EPB41: variants seen among roughly 807,000 people sequenced by gnomAD.
The protein encoded by EPB41 is protein 4.1.
In EPB41, 65 loss-of-function variants were observed where a neutral mutation model predicts 108.0. That is an observed-to-expected ratio of 0.60 (90% CI 0.49 to 0.74). EPB41 has a LOEUF of 0.74. Ranked by LOEUF, EPB41 falls within the 30% of genes least tolerant of loss-of-function variation. The pLI is 0.00. For synonymous variants in EPB41, 336 were observed against 358.9 expected, an observed-to-expected ratio of 0.94 and a Z score of 0.72; for missense variants, 875 against 1,037.0, an observed-to-expected ratio of 0.84 and a Z score of 2.15.
rs1233211329 is a variant in EPB41, at chr1:29,106,564, A to AATTT, written c.2314-2772_2314-2771insATTT. ...CCTCTCAGCCTCCCGAGTAGCTGGGATTTTTTTTTTTTTTTTTTTTTTTTT... is the reference window on the plus strand; with the variant it reads ...CCTCTCAGCCTCCCGAGTAGCTGGGAATTTTTTTTTTTTTTTTTTTTTTTTTTTT... On this transcript the variant is annotated intron_variant, in intron 17 of 20. Transcript: ENST00000343067. Among the ~76,000 whole-genome samples, 27 of 50,898 alleles carry AATTT rather than the reference A, an allele frequency of 5.3e-4. 2 individuals are homozygous for AATTT. Among genetic ancestry groups the AATTT allele is most frequent in the African/African-American group, 1.6e-3 (19 of 11,770 alleles). The allele number at this position is 50,898 out of a possible 152,430, so 33.4% of individuals were successfully genotyped here.
At chr1:28,902,352 G>A (rs2091396858) in intron 1 of EPB41, 1 of 985,252 alleles carries the variant, frequency 1.0e-6, no homozygotes, top group African/African-American at 1.7e-5. Context: ...GGGGCTGTTT[G>A]GCTGTTGGGT....
chr1:29,026,832 A>G lies in EPB41; in HGVS notation c.1125-3568A>G, dbSNP rs56767062. Among the ~76,000 whole-genome samples, 343 of 151,568 alleles carry G rather than the reference A, an allele frequency of 2.3e-3. 3 individuals carry two copies. The highest frequency in any genetic ancestry group is 7.5e-3 in the African/African-American group (312 of 41,442). ...TTAAAAAAAATTTTTTTTGGCTCAC[A>G]CCTTTAATCCCAGCACTTTGGGAGG... On this transcript the variant is annotated intron_variant, in intron 7 of 20. Coordinates refer to ENST00000343067, the MANE Select transcript of EPB41 (RefSeq NM_001376013.1).
chr1:29,116,348 C>T (rs918600954), intron 20 of EPB41, among the ~76,000 whole-genome samples: 3 of 151,952 alleles, frequency 2.0e-5, no homozygotes, highest in Non-Finnish European at 2.9e-5. Context: ...GGGGTTTCAC[C>T]ATGTTGGCCA....
intron 12 of EPB41, among the ~76,000 whole-genome samples, chr1:29,054,811 C>T (rs980132639): frequency 1.3e-5 from 2 of 152,152 alleles, no homozygotes; most frequent in African/African-American, 2.4e-5. Flanking sequence ...CGAGATCGCC[C>T]ACTGCACTTC....
intron 16 of EPB41, among the ~76,000 whole-genome samples, chr1:29,088,053 CT>C (rs1228746248): frequency 7.2e-6 from 1 of 138,058 alleles, no homozygotes. Flanking sequence ...TTCTTTTTTT[CT>C]TTTTTTTTTG....
chr1:29,030,821 T>G (rs2096780086), intron 8 of EPB41, among the ~76,000 whole-genome samples: 1 of 151,890 alleles, frequency 6.6e-6, no homozygotes, highest in African/African-American at 2.4e-5. Context: ...TAGCTTTTTT[T>G]TGTTTTGTTT....
chr1:28,978,870 A>C lies in EPB41; in HGVS notation c.-7-8561A>C, dbSNP rs948225791. ...CTTGAGGATGAGAGTTATACCATCA[A>C]CTTTTCTGGTTCTGAGGCCTTTAGT... On this transcript the variant is annotated intron_variant, in intron 1 of 20. Transcript: ENST00000343067. Among the ~76,000 whole-genome samples the C allele has an allele frequency of 2.6e-5, 4 of 151,414 alleles. 1 individual carries two copies. Among genetic ancestry groups the C allele is most frequent in the Non-Finnish European group, 5.9e-5 (4 of 67,990 alleles).
intron 16 of EPB41, among the ~76,000 whole-genome samples, chr1:29,092,071 C>G (rs1661406029): frequency 6.7e-6 from 1 of 148,648 alleles, no homozygotes; most frequent in Admixed American, 6.7e-5. Flanking sequence ...ATTGTTTACT[C>G]ATAGGAACAC....
At chr1:28,945,093 GAA>G (rs1224949262) in intron 1 of EPB41, among the ~76,000 whole-genome samples, 4 of 96,246 alleles carry the variant, frequency 4.2e-5, no homozygotes, top group African/African-American at 1.1e-4. Context: ...CTCAAAAAAA[GAA>G]AAAAAAAAAA....
intron 1 of EPB41, among the ~76,000 whole-genome samples, chr1:28,944,071 A>G (rs2094404697): frequency 6.6e-6 from 1 of 152,198 alleles, no homozygotes; most frequent in Non-Finnish European, 1.5e-5. Flanking sequence ...TATGGATGGA[A>G]CTAACTGGAG....
intron 12 of EPB41, among the ~76,000 whole-genome samples, chr1:29,055,229 C>A (rs957644191): frequency 2.0e-5 from 3 of 152,158 alleles, no homozygotes; most frequent in Non-Finnish European, 2.9e-5. Flanking sequence ...GTTAGACTAC[C>A]TCTTCAGTTC....
chr1:28,896,333 TG>T (rs1180208870), intron 1 of EPB41, among the ~76,000 whole-genome samples: 3 of 152,108 alleles, frequency 2.0e-5, no homozygotes, highest in Admixed American at 6.6e-5. Context: ...GGACAGGTGG[TG>T]GATAGCAGCC....
intron 17 of EPB41, 32 bp from the exon 18 acceptor site, chr1:29,109,304 G>A (rs375720502): frequency 1.2e-5 from 18 of 1,537,986 alleles, no homozygotes; most frequent in Admixed American, 1.7e-5. Flanking sequence ...CTTCCTGAGA[G>A]GCATGATGAT....
chr1:28,912,654 T>A (rs999665398), upstream of EPB41, among the ~76,000 whole-genome samples: 6 of 152,078 alleles, frequency 3.9e-5, no homozygotes, highest in Non-Finnish European at 7.4e-5. Context: ...CTTGCTCTTG[T>A]CACCCAACCT....
chr1:29,099,482 C>T (rs1664503511), intron 17 of EPB41, among the ~76,000 whole-genome samples: 1 of 152,020 alleles, frequency 6.6e-6, no homozygotes, highest in African/African-American at 2.4e-5. Flanking sequence ...TGCACAGCTG[C>T]ACCTCGCTAA....
In EPB41 at chr1:28,987,922, A is replaced by G. The variant is rs1379204150; in HGVS notation, c.468+17A>G. The G allele has an allele frequency of 1.2e-6, 2 of 1,611,262 alleles. No individual in the cohort carries two copies. The highest frequency in any genetic ancestry group is 1.7e-6 in the Non-Finnish European group (2 of 1,177,504). ...GAAACACAGGTAAGGATGTGTGGAT[A>G]TGGGAGGTGGGCAAAGGAAGGCAGG... is the stretch of plus-strand genomic sequence containing the variant. On this transcript the variant is annotated intron_variant, in intron 2 of 20. Coordinates refer to ENST00000343067, the MANE Select transcript of EPB41 (RefSeq NM_001376013.1).
rs891437086 is a variant in EPB41, at chr1:28,887,399, A to G, written c.-8+189A>G. ...ACTTGGGGTCCAAAGGAGTCTGGGC[A>G]TCTTAAAGTTCAGGGTGCAGGGAGG... On this transcript the variant is annotated intron_variant, in intron 1 of 16. Transcript: ENST00000347529. The surrounding 1 kb of genome is among the most constrained non-coding windows in gnomAD (Gnocchi z 4.9). 2 of 985,214 alleles carry G rather than the reference A, an allele frequency of 2.0e-6. No homozygotes were observed. Among genetic ancestry groups the G allele is most frequent in the African/African-American group, 1.7e-5 (1 of 57,216 alleles). 61.0% of individuals were successfully genotyped at this position (985,214 alleles called of 1,614,324 possible). A position where few individuals can be genotyped will look rare whatever the true frequency, so the allele number is the denominator to read the frequency against.
At chr1:28,894,254 C>T (rs2090438766) in intron 1 of EPB41, among the ~76,000 whole-genome samples, 1 of 152,170 alleles carries the variant, frequency 6.6e-6, no homozygotes, top group African/African-American at 2.4e-5. Flanking sequence ...ATCTTCAGCG[C>T]CTAGGGTATA....
chr1:29,018,128 C>G lies in EPB41; in HGVS notation c.906-96C>G. 2 of 1,071,382 alleles carry G rather than the reference C, an allele frequency of 1.9e-6. No homozygotes were observed. Among genetic ancestry groups the G allele is most frequent in the Non-Finnish European group, 2.8e-6 (2 of 711,756 alleles). The allele number at this position is 1,071,382 out of a possible 1,614,324, so 66.4% of individuals were successfully genotyped here. ...TTTCTTCTGTGTCCTTATTTTTTCT[C>G]TCTCTCCCTTTCTGTTTCTCCCCTT... On this transcript the variant is annotated intron_variant, in intron 6 of 20. Transcript: ENST00000343067. This position sits in a 1 kb window ranked among gnomAD's most constrained non-coding sequence, Gnocchi z 4.4.
Sources: allele counts gnomAD v4.1 joint callset (sites outside exome capture counted in the v4.1 genomes callset), GRCh38; gene constraint gnomAD v4.1.1; non-coding constraint Gnocchi (gnomAD v3.1); transcripts MANE v1.5; gene names NCBI Gene and HGNC (gene_info 2026-07-23, HGNC 2026-07-21).